The following FBXL5 variants were observed in gnomAD, a reference collection of about 807,000 sequenced individuals.
FBXL5 encodes the protein F-box/LRR-repeat protein 5.
Under a neutral mutation model 78.3 loss-of-function variants are expected in FBXL5, and 26 were observed. That is an observed-to-expected ratio of 0.33 (90% CI 0.24 to 0.46). The LOEUF (loss-of-function observed/expected upper bound fraction) is 0.46, where lower values mean the gene tolerates loss of function less well. FBXL5 is among the 20% of genes least tolerant of loss of function. The pLI, the probability that FBXL5 is intolerant of heterozygous loss-of-function variation, is 1.00. For synonymous variants in FBXL5, 295 were observed against 282.5 expected (o/e 1.04, Z -0.45); for missense variants, 710 against 829.2 (o/e 0.86, Z 1.77).
At chr4:15,614,762 C>T (rs1419275974) in intron 9 of FBXL5, among the ~76,000 whole-genome samples, 2 of 152,174 alleles carry the variant, frequency 1.3e-5, no homozygotes, top group East Asian at 3.9e-4. Context: ...GCAGTCCTCA[C>T]AGCCCTCGCT....
chr4:15,639,501 A>G (rs1293312817), intron 3 of FBXL5, among the ~76,000 whole-genome samples: 1 of 152,256 alleles, frequency 6.6e-6, no homozygotes, highest in Non-Finnish European at 1.5e-5. Context: ...AGTGGTTCCT[A>G]CAAGAATTAT....
At chr4:15,676,067 A>G (rs1026988010) in intron 1 of FBXL5, among the ~76,000 whole-genome samples, 7 of 152,156 alleles carry the variant, frequency 4.6e-5, no homozygotes, top group African/African-American at 1.4e-4. Context: ...AACTTTCTGG[A>G]TCTTAGCTTC....
chr4:15,609,278 GAAT>G (rs1176113959), intron 10 of FBXL5, among the ~76,000 whole-genome samples: 9 of 152,086 alleles, frequency 5.9e-5, no homozygotes, highest in Admixed American at 3.3e-4. Flanking sequence ...AAATATAATT[GAAT>G]AATCATTAAA....
At position 15,644,639 on chromosome 4, in the gene FBXL5, T is replaced by C; in HGVS notation, c.154A>G (p.Lys52Glu). The change falls in exon 2 of 11, where the codon AAG (lysine) becomes GAG (glutamate). Residue 52 changes from lysine to glutamate, a missense_variant. Around this residue, in one of 4 missense-constraint regions of FBXL5, gnomAD observed 132 missense variants for 156.9 expected, o/e 0.84. Transcript: ENST00000341285. ...ALLQSLYATF[K>E]EFKMHEQIEN... ...ATCTGCTCATGCATTTTGAACTCCT[T>C]GAAAGTAGCATACAAAGACTGCAGA... 1 of 1,614,154 alleles carries C rather than the reference T, an allele frequency of 6.2e-7. No homozygotes were observed. The highest frequency in any genetic ancestry group is 8.5e-7 in the Non-Finnish European group (1 of 1,180,016).
At chr4:15,661,903 G>A (rs367819686), upstream of FBXL5, among the ~76,000 whole-genome samples, 1 of 152,214 alleles carries the variant, frequency 6.6e-6, no homozygotes, top group East Asian at 1.9e-4. Flanking sequence ...CTGTTGAGAG[G>A]CCTCACATCC....
At chr4:15,673,389 C>A (rs770660031) in intron 1 of FBXL5, among the ~76,000 whole-genome samples, 6 of 151,744 alleles carry the variant, frequency 4.0e-5, no homozygotes, top group African/African-American at 7.3e-5. Flanking sequence ...TGCAGTGAGC[C>A]AAGATTGCAC....
In FBXL5 at chr4:15,626,985, A is replaced by T. The variant is rs1384417293; in HGVS notation, c.1042-30T>A. 3 of 1,479,224 alleles carry T rather than the reference A, an allele frequency of 2.0e-6. No homozygotes were observed. In the South Asian group the frequency reaches 3.6e-5, roughly 18 times the overall value. The allele number at this position is 1,479,224 out of a possible 1,614,324, so 91.6% of individuals were successfully genotyped here. On this transcript the variant is annotated intron_variant, in intron 7 of 10. Transcript: ENST00000341285. ...AAGGCAAGAAATTGTCACTGTAAAGATCTGCAGAACTTCAGTTAGCTAAGT... is the reference window on the plus strand; with the variant it reads ...AAGGCAAGAAATTGTCACTGTAAAGTTCTGCAGAACTTCAGTTAGCTAAGT...
chr4:15,612,168 T>G (rs1722314196), intron 10 of FBXL5, 98 bp downstream of exon 10: 1 of 955,322 alleles, frequency 1.0e-6, no homozygotes, highest in South Asian at 2.5e-5. Context: ...AGTCTGGGAA[T>G]TAGAAATCTA....
intron 9 of FBXL5, among the ~76,000 whole-genome samples, chr4:15,618,020 T>G (rs940465780): frequency 2.0e-5 from 3 of 151,790 alleles, no homozygotes; most frequent in Non-Finnish European, 2.9e-5. Context: ...ATGGACTAAA[T>G]CCAAAGTAGC....
intron 5 of FBXL5, among the ~76,000 whole-genome samples, chr4:15,634,969 A>T (rs1236202795): frequency 6.6e-6 from 1 of 152,228 alleles, no homozygotes; most frequent in Non-Finnish European, 1.5e-5. Flanking sequence ...CTAATTATTT[A>T]GACGATATAA....
At chr4:15,664,004 AG>A (rs1028954559), upstream of FBXL5, among the ~76,000 whole-genome samples, 6 of 152,202 alleles carry the variant, frequency 3.9e-5, no homozygotes, top group African/African-American at 1.4e-4. Context: ...CTGATTTTTC[AG>A]ATGAAAAACT....
At chr4:15,622,005 T>C (rs1339986937) in intron 9 of FBXL5, among the ~76,000 whole-genome samples, 1 of 152,218 alleles carries the variant, frequency 6.6e-6, no homozygotes, top group African/African-American at 2.4e-5. Context: ...ATTTTTGTTT[T>C]TCTTTTCGGT....
Position 15,604,702 on chromosome 4 carries a change from C to G in FBXL5, c.*1021G>C, listed in dbSNP as rs1357439524. On this transcript the variant is annotated 3_prime_UTR_variant, in exon 11 of 11. Coordinates refer to ENST00000341285, the MANE Select transcript of FBXL5 (RefSeq NM_012161.4). ...ATCTGTATCAATAGGAGGAACATTG[C>G]CATTTTCTTCTACATGACATAAAAT... 1 of 152,182 alleles carries G rather than the reference C, an allele frequency of 6.6e-6. No individual in the cohort carries two copies. Among genetic ancestry groups the G allele is most frequent in the Admixed American group, 6.5e-5 (1 of 15,282 alleles). 9.4% of individuals were successfully genotyped at this position (152,182 alleles called of 1,614,324 possible).
In FBXL5 at chr4:15,625,522, C is replaced by T; in HGVS notation, c.1580G>A (p.Gly527Glu). The T allele has an allele frequency of 6.2e-7, 1 of 1,614,066 alleles. No homozygotes were observed. ...TSGCFSKDIV[G>E]LRTSVCWQQH... ...CTGCCAACAGACACTAGTCCTTAGT[C>T]CAACAATGTCCTTACTAAAACAACC... Residue 527 changes from glycine (G) to glutamate (E), a missense_variant, in exon 9 of 11, where the codon GGA becomes GAA. Physicochemically the swap from Gly to Glu is moderately conservative, Grantham distance 98. Coordinates refer to ENST00000341285, the MANE Select transcript of FBXL5 (RefSeq NM_012161.4).
At chr4:15,626,190 T>G (rs962731757) in intron 8 of FBXL5, among the ~76,000 whole-genome samples, 10 of 152,164 alleles carry the variant, frequency 6.6e-5, no homozygotes, top group African/African-American at 2.4e-4. Context: ...ATTCCTAACC[T>G]AACAGAAGGG....
intron 10 of FBXL5, 129 bp from the exon 11 acceptor site, chr4:15,605,928 T>A (rs773043861): frequency 5.9e-6 from 4 of 675,642 alleles, no homozygotes; most frequent in African/African-American, 1.8e-5. Flanking sequence ...GTAAATCTCA[T>A]GATAAGTGTA....
chr4:15,669,388 T>C (rs547825127), intron 1 of FBXL5, among the ~76,000 whole-genome samples: 1 of 152,332 alleles, frequency 6.6e-6, no homozygotes, highest in Admixed American at 6.5e-5. Context: ...CACCATCATA[T>C]ATGTAGTGTT....
chr4:15,679,327 C>T (rs768989698), intron 1 of FBXL5, among the ~76,000 whole-genome samples: 6 of 152,118 alleles, frequency 3.9e-5, no homozygotes, highest in Non-Finnish European at 7.4e-5. Flanking sequence ...GCTGGGATTA[C>T]AGGTGTGAGC....
chr4:15,617,340 T>C (rs904003789), intron 9 of FBXL5, among the ~76,000 whole-genome samples: 2 of 151,834 alleles, frequency 1.3e-5, no homozygotes, highest in African/African-American at 2.4e-5. Context: ...TCAGGAGTTC[T>C]GGACCAGACT....
Sources: gnomAD v4.1 joint callset for allele counts (sites outside exome capture counted in the v4.1 genomes callset) on GRCh38, gnomAD v4.1.1 for gene constraint, gnomAD v4.1.1 regional missense constraint, MANE v1.5 for transcripts, NCBI Gene and HGNC (gene_info 2026-07-23, HGNC 2026-07-21) for gene names.